Variants in TTLL4 observed in about 807,000 individuals in gnomAD.
TTLL4 encodes tubulin monoglutamylase TTLL4.
Under a neutral mutation model 122.7 loss-of-function variants are expected in TTLL4, and 85 were observed. The observed-to-expected ratio is 0.69, with a 90% CI of 0.58 to 0.83. The LOEUF is 0.83. TTLL4 is among the 40% of genes least tolerant of loss of function. The pLI, the probability that TTLL4 is intolerant of heterozygous loss-of-function variation, is 0.00. For synonymous variants in TTLL4, 553 were observed against 563.0 expected, an observed-to-expected ratio of 0.98 and a Z score of 0.25; for missense variants, 1,363 against 1,488.6, an observed-to-expected ratio of 0.92 and a Z score of 1.39.
chr2:218,714,840 C>G (rs967702388), intron 1 of TTLL4, among the ~76,000 whole-genome samples: 6 of 151,870 alleles, frequency 4.0e-5, no homozygotes, highest in African/African-American at 1.5e-4. Flanking sequence ...AACTCCTGGA[C>G]TCAAACAGTC....
intron 6 of TTLL4, 106 bp from the exon 7 acceptor site, chr2:218,745,585 G>C (rs1559371069): frequency 6.4e-6 from 5 of 780,056 alleles, no homozygotes; most frequent in Non-Finnish European, 6.5e-6. Context: ...TTAGTGACTT[G>C]CCTGCCCAGG....
Position 218,750,114 on chromosome 2 carries a change from C to A in TTLL4, c.2841C>A (p.Ser947=), listed in dbSNP as rs139679041. The part of the protein sequence containing the change: ...FVLPNAEDII[S]SPSSCSSSTT... ...TGCCCAATGCAGAGGATATCATTTC[C>A]AGCCCCAGCAGCTGCAGCAGCTCCA... Residue 947 remains serine (S), a synonymous_variant, in exon 15 of 20, where the codon TCC becomes TCA. Coordinates refer to ENST00000392102, the MANE Select transcript of TTLL4 (RefSeq NM_014640.5). 2 of 1,613,832 alleles carry A rather than the reference C, an allele frequency of 1.2e-6. No homozygotes were observed. The highest frequency in any genetic ancestry group is 3.3e-5 in the Admixed American group (2 of 59,992).
Position 218,754,265 on chromosome 2 carries a change from G to T in TTLL4, c.3476G>T (p.Ser1159Ile). ...TCCTCAAAGGACAGTGAGGACACCA[G>T]CAAAGAGCCCAGCCTTTCTACCCAG... ...PSSSKDSEDT[S>I]KEPSLSTQTL... Residue 1159 changes from serine (S) to isoleucine (I), a missense_variant, in exon 20 of 20, where the codon AGC becomes ATC. By Grantham distance (142) the Ser-to-Ile change is moderately radical (BLOSUM62 -2). This residue lies in a region of TTLL4 where 596 missense variants were observed against 655.8 expected (regional missense o/e 0.91). Coordinates refer to ENST00000392102, the MANE Select transcript of TTLL4 (RefSeq NM_014640.5). 1 of 1,614,162 alleles carries T rather than the reference G, an allele frequency of 6.2e-7. No individual in the cohort carries two copies. The highest frequency in any genetic ancestry group is 2.2e-5 in the East Asian group (1 of 44,880).
chr2:218,746,598 C>T (rs1040576219), intron 8 of TTLL4: 6 of 368,720 alleles, frequency 1.6e-5, no homozygotes, highest in African/African-American at 8.1e-5. Flanking sequence ...TTATGTTTCC[C>T]TATGATCACT....
chr2:218,740,689 G>C (rs1337951819), intron 5 of TTLL4, 105 bp downstream of exon 5: 1 of 1,351,240 alleles, frequency 7.4e-7, no homozygotes, highest in African/African-American at 1.5e-5. Context: ...GAACTCTAAT[G>C]CATTTTTACC....
chr2:218,746,395 T>C (rs1942843815), intron 8 of TTLL4, 164 bp downstream of exon 8: 1 of 672,868 alleles, frequency 1.5e-6, no homozygotes, highest in Non-Finnish European at 2.6e-6. Flanking sequence ...AGTGAGAGAC[T>C]CCAGTGGATC....
chr2:218,753,365 C>A, intron 18 of TTLL4, 180 bp downstream of exon 18: 3 of 856,260 alleles, frequency 3.5e-6, no homozygotes, highest in South Asian at 1.6e-5. Flanking sequence ...CCCTGGGTAC[C>A]TTTCTTTCAA....
At position 218,716,960 on chromosome 2, in the gene TTLL4, C is replaced by T. The variant is rs187190289; in HGVS notation, c.-178+5923C>T. On this transcript the variant is annotated intron_variant, in intron 1 of 19. Transcript: ENST00000392102. ...GCTTTTGCTCTATCAGTGGAAAGGT[C>T]AGCACAGTAAAAAGGCAAATAACAT... Among the ~76,000 whole-genome samples, 3 of 152,172 alleles carry T rather than the reference C, an allele frequency of 2.0e-5. No individual in the cohort carries two copies. In the East Asian group the frequency reaches 5.8e-4, roughly 29 times the overall value.
chr2:218,749,135 C>G (rs1269624936), intron 13 of TTLL4, 118 bp from the exon 14 acceptor site: 3 of 1,452,592 alleles, frequency 2.1e-6, no homozygotes, highest in African/African-American at 1.4e-5. Flanking sequence ...CACTTGAGAG[C>G]TACCTTTCCT....
intron 5 of TTLL4, among the ~76,000 whole-genome samples, 200 bp downstream of exon 5, chr2:218,740,784 G>A (rs533468057): frequency 1.3e-5 from 2 of 152,260 alleles, no homozygotes; most frequent in Non-Finnish European, 2.9e-5. Flanking sequence ...CTTAAAAACA[G>A]TATCATGGGC....
At chr2:218,725,905 A>G (rs1942179115) in intron 1 of TTLL4, among the ~76,000 whole-genome samples, 1 of 152,046 alleles carries the variant, frequency 6.6e-6, no homozygotes, top group Non-Finnish European at 1.5e-5. Context: ...TATTTTTGAC[A>G]AGTTTGTCTT....
intron 3 of TTLL4, 56 bp from the exon 4 acceptor site, chr2:218,740,002 A>G (rs1318587447): frequency 3.8e-5 from 57 of 1,509,842 alleles, no homozygotes; most frequent in Non-Finnish European, 4.6e-5. Flanking sequence ...ATGAGAATCT[A>G]ACTGTGACCT....
chr2:218,744,814 T>C (rs1942794989), intron 5 of TTLL4, among the ~76,000 whole-genome samples: 1 of 152,220 alleles, frequency 6.6e-6, no homozygotes, highest in African/African-American at 2.4e-5. Flanking sequence ...GAACTACTCC[T>C]GTCAGGGACT....
intron 2 of TTLL4, among the ~76,000 whole-genome samples, chr2:218,730,379 G>A (rs1017991933): frequency 6.9e-6 from 1 of 144,804 alleles, no homozygotes; most frequent in Non-Finnish European, 1.5e-5. Context: ...GTGGTGGCGC[G>A]TGCCTGTAGC....
In TTLL4 at chr2:218,752,808, C is replaced by T. The variant is rs370812299; in HGVS notation, c.3022C>T (p.Arg1008Trp). ...GGATGTCCTGACACCAGATGATGTT[C>T]GGATTCTGGTTGAGATGGAAGATGA... ...VLDVLTPDDV[R>W]ILVEMEDEFS... is the part of the protein sequence containing the mutation. Residue 1008 changes from arginine to tryptophan, a missense_variant, in exon 17 of 20, where the codon CGG becomes TGG. Transcript: ENST00000392102. 1.2e-5 allele frequency: 19 copies of T among 1,614,160 alleles called. No individual in the cohort carries two copies. The highest frequency in any genetic ancestry group is 1.5e-5 in the Non-Finnish European group (18 of 1,180,040).
intron 7 of TTLL4, 144 bp from the exon 8 acceptor site, chr2:218,746,011 C>A: frequency 1.0e-6 from 1 of 994,012 alleles, no homozygotes; most frequent in Non-Finnish European, 1.6e-6. Flanking sequence ...CTGTCCCTGG[C>A]CCCAGGGCCT....
chr2:218,748,200 A>G lies in TTLL4; in HGVS notation c.2474A>G (p.Asp825Gly), dbSNP rs1471795235. 6.2e-7 allele frequency: 1 copy of G among 1,614,178 alleles called. No individual in the cohort carries two copies. Among genetic ancestry groups the G allele is most frequent in the African/African-American group, 1.3e-5 (1 of 75,048 alleles). ...KKNAEYQANA[D>G]EMACQGHKWA... ...AATGCCGAGTACCAGGCCAATGCAG[A>G]TGAAATGGCTTGCCAGGGCCACAAA... Residue 825 changes from aspartate to glycine, a missense_variant, in exon 12 of 20, where the codon GAT becomes GGT. Around this residue, in one of 3 missense-constraint regions of TTLL4, gnomAD observed 596 missense variants for 655.8 expected, o/e 0.91. Transcript: ENST00000392102.
At position 218,749,370 on chromosome 2, in the gene TTLL4, A is replaced by G; in HGVS notation, c.2718A>G (p.Glu906=). 6.2e-7 allele frequency: 1 copy of G among 1,614,138 alleles called. No homozygotes were observed. ...AAAACCTCAAGCCCTGGGTCCTGGAAGTCAACATTTCCCCAAGGTAGGTGG... is the reference window on the plus strand; with the variant it reads ...AAAACCTCAAGCCCTGGGTCCTGGAGGTCAACATTTCCCCAAGGTAGGTGG... ...LDENLKPWVL[E]VNISPSLHSS... Residue 906 remains glutamate (E), a synonymous_variant, in exon 14 of 20, where the codon GAA becomes GAG. Transcript: ENST00000392102.
intron 2 of TTLL4, among the ~76,000 whole-genome samples, chr2:218,729,708 A>C (rs1942301827): frequency 7.0e-6 from 1 of 142,274 alleles, no homozygotes; most frequent in South Asian, 2.2e-4. Flanking sequence ...AGGATTTTTT[A>C]TTTGATAAAT....
Sources: gnomAD v4.1 joint callset for allele counts (sites outside exome capture counted in the v4.1 genomes callset) on GRCh38, gnomAD v4.1.1 for gene constraint, gnomAD v4.1.1 regional missense constraint, MANE v1.5 for transcripts, NCBI Gene and HGNC (gene_info 2026-07-23, HGNC 2026-07-21) for gene names.